Variants in ZNF391 observed in about 807,000 individuals in gnomAD.
ZNF391 encodes the protein zinc finger protein 391.
For missense variants in ZNF391, 375 were observed against 425.5 expected (o/e 0.88, Z 1.04); for synonymous variants, 126 against 142.1 (o/e 0.89, Z 0.80).
chr6:27,389,544 G>T (rs1761657054), intron 1 of ZNF391: 7 of 424,436 alleles, frequency 1.6e-5, no homozygotes, highest in Non-Finnish European at 4.6e-6. Flanking sequence ...GGGCGCAGTG[G>T]CTCACGCCTG....
chr6:27,380,029 C>T (rs6901629), intron 1 of ZNF391, among the ~76,000 whole-genome samples: 96,817 of 152,068 alleles, frequency 0.64, 30,977 homozygotes, highest in Middle Eastern at 0.76. Context: ...AATGCTTCCC[C>T]TTCCCCTATA....
chr6:27,400,156 C>G (rs2113662173), intron 2 of ZNF391, 137 bp from the exon 3 acceptor site: 2 of 451,866 alleles, frequency 4.4e-6, no homozygotes, highest in East Asian at 6.7e-5. Context: ...TTCTCCTCCA[C>G]TATCCTTTTT....
At chr6:27,377,828 A>C (rs1293780384) in intron 1 of ZNF391, among the ~76,000 whole-genome samples, 1 of 152,244 alleles carries the variant, frequency 6.6e-6, no homozygotes, top group Non-Finnish European at 1.5e-5. Context: ...TTTAATAGCT[A>C]TCTTAGTCCA....
intron 1 of ZNF391, among the ~76,000 whole-genome samples, chr6:27,391,414 GC>G (rs1358520007): frequency 6.6e-6 from 1 of 151,954 alleles, no homozygotes; most frequent in Non-Finnish European, 1.5e-5. Flanking sequence ...CCCCATGTTG[GC>G]CAGGCTGGTC....
chr6:27,377,321 A>T (rs533567393), intron 1 of ZNF391, among the ~76,000 whole-genome samples: 1 of 152,358 alleles, frequency 6.6e-6, no homozygotes, highest in South Asian at 2.1e-4. Flanking sequence ...ATTTGATGCA[A>T]CTTGGTGTTG....
chr6:27,381,454 G>A (rs1184552624), intron 1 of ZNF391, among the ~76,000 whole-genome samples: 1 of 152,238 alleles, frequency 6.6e-6, no homozygotes, highest in Non-Finnish European at 1.5e-5. Context: ...ACACCTACCC[G>A]CAAGCTGAGG....
intron 2 of ZNF391, 44 bp from the exon 3 acceptor site, chr6:27,400,238 TTCTTTGCTCTC>T (rs1305693102): frequency 2.3e-5 from 16 of 711,054 alleles, no homozygotes; most frequent in Non-Finnish European, 3.3e-5. Context: ...CTGGTTTATT[TTCTTTGCTCTC>T]CATAGTAGAT....
intron 1 of ZNF391, among the ~76,000 whole-genome samples, chr6:27,380,946 G>C (rs1043007551): frequency 1.3e-5 from 2 of 152,186 alleles, no homozygotes; most frequent in Non-Finnish European, 2.9e-5. Context: ...TACAATCCCT[G>C]AGCTAGACAT....
intron 1 of ZNF391, among the ~76,000 whole-genome samples, chr6:27,381,982 C>T (rs1186454517): frequency 2.9e-5 from 4 of 139,192 alleles, no homozygotes; most frequent in African/African-American, 1.1e-4. Context: ...TGCAGCGAGC[C>T]GAGATCGGGG....
At chr6:27,375,932 G>A (rs146961765) in intron 1 of ZNF391, among the ~76,000 whole-genome samples, 11 of 152,292 alleles carry the variant, frequency 7.2e-5, no homozygotes, top group Non-Finnish European at 1.3e-4. Flanking sequence ...GAATTTTTGG[G>A]AGTTTAAATA....
intron 1 of ZNF391, among the ~76,000 whole-genome samples, chr6:27,393,862 C>T (rs1292737496): frequency 6.6e-6 from 1 of 152,116 alleles, no homozygotes; most frequent in Non-Finnish European, 1.5e-5. Flanking sequence ...GCCTTGTGCC[C>T]CTGCCCTAGG....
In ZNF391 at chr6:27,401,681, C is replaced by A; in HGVS notation, c.*234C>A. On this transcript the variant is annotated 3_prime_UTR_variant, in exon 3 of 3. Transcript: ENST00000244576. ...TTCTCCCTCTCCCTGTTCTTTCTTT[C>A]TCTTTTCTCAAATAAGTTCACAATA... 2.6e-6 allele frequency: 1 copy of A among 379,520 alleles called. No individual in the cohort carries two copies. Among genetic ancestry groups the A allele is most frequent in the Non-Finnish European group, 4.7e-6 (1 of 212,674 alleles). 23.5% of individuals were successfully genotyped at this position (379,520 alleles called of 1,614,324 possible).
chr6:27,400,162 T>G, intron 2 of ZNF391, 131 bp from the exon 3 acceptor site: 1 of 462,020 alleles, frequency 2.2e-6, no homozygotes, highest in Non-Finnish European at 3.8e-6. Flanking sequence ...TCCACTATCC[T>G]TTTTTGTTTA....
At chr6:27,381,275 G>A (rs1761499605) in intron 1 of ZNF391, among the ~76,000 whole-genome samples, 1 of 152,184 alleles carries the variant, frequency 6.6e-6, no homozygotes, top group Non-Finnish European at 1.5e-5. Context: ...GCACTGCTGG[G>A]GGACCCAGTA....
At chr6:27,388,114 T>C (rs2113644863), upstream of ZNF391, among the ~76,000 whole-genome samples, 1 of 152,292 alleles carries the variant, frequency 6.6e-6, no homozygotes, top group African/African-American at 2.4e-5. Flanking sequence ...TTGCCCTCCT[T>C]TATGTTTTCC....
Position 27,401,126 on chromosome 6 carries a change from T to A in ZNF391, c.756T>A (p.Ser252Arg). ...IHTGENPYEC[S>R]KCGKAFSWIS... is the part of the protein sequence containing the mutation. ...CTGGAGAGAATCCCTATGAATGCAGTAAATGTGGAAAAGCTTTCAGTTGGA... is the reference window on the plus strand; with the variant it reads ...CTGGAGAGAATCCCTATGAATGCAGAAAATGTGGAAAAGCTTTCAGTTGGA... Residue 252 changes from serine (S) to arginine (R), a missense_variant, in exon 3 of 3, where the codon AGT becomes AGA. Coordinates refer to ENST00000244576, the MANE Select transcript of ZNF391 (RefSeq NM_001076781.3). The A allele has an allele frequency of 6.2e-7, 1 of 1,614,184 alleles. No homozygotes were observed. Among genetic ancestry groups the A allele is most frequent in the Non-Finnish European group, 8.5e-7 (1 of 1,180,026 alleles).
chr6:27,395,859 T>C (rs1279929303), intron 1 of ZNF391, among the ~76,000 whole-genome samples: 1 of 152,196 alleles, frequency 6.6e-6, no homozygotes, highest in Non-Finnish European at 1.5e-5. Flanking sequence ...ATCTCTCTTC[T>C]CCAGAATGGG....
At chr6:27,381,608 G>T (rs1761510150) in intron 1 of ZNF391, among the ~76,000 whole-genome samples, 1 of 152,222 alleles carries the variant, frequency 6.6e-6, no homozygotes, top group Non-Finnish European at 1.5e-5. Flanking sequence ...CTGCCAGCAT[G>T]CTGTCACCTC....
At chr6:27,380,552 T>G (rs9468081) in intron 1 of ZNF391, among the ~76,000 whole-genome samples, 4,378 of 152,278 alleles carry the variant, frequency 0.029, 71 homozygotes, top group Non-Finnish European at 0.032. Flanking sequence ...ACTTCTACAG[T>G]GTGGAAGGGG....
Sources: gnomAD v4.1 joint callset for allele counts (sites outside exome capture counted in the v4.1 genomes callset) on GRCh38, gnomAD v4.1.1 for gene constraint, MANE v1.5 for transcripts, NCBI Gene and HGNC (gene_info 2026-07-23, HGNC 2026-07-21) for gene names.